RFC5: variants seen among roughly 807,000 people sequenced by gnomAD.
The protein encoded by RFC5 is replication factor C subunit 5, also known as A1 36 kDa subunit.
A neutral mutation model predicts 44.3 loss-of-function variants in RFC5; 26 were observed. That is an observed-to-expected ratio of 0.59 (90% CI 0.43 to 0.81). The LOEUF is 0.81. RFC5 is among the 40% of genes least tolerant of loss of function. RFC5 has a pLI of 0.00. For missense variants in RFC5, 328 were observed against 418.6 expected (o/e 0.78, Z 1.89); for synonymous variants, 155 against 155.2 (o/e 1.00, Z 0.01).
At chr12:118,038,075 G>T, downstream of RFC5, 2 of 429,364 alleles carry the variant, frequency 4.7e-6, no homozygotes, top group East Asian at 7.1e-5. Flanking sequence ...GCCCTCTGAT[G>T]ACAGGAGCAA....
At chr12:118,038,775 A>G in the RFC5 span, among the ~76,000 whole-genome samples, 2 of 151,948 alleles carry the variant, frequency 1.3e-5, no homozygotes, top group African/African-American at 4.8e-5. Context: ...CTGCCTCCCA[A>G]GTTGAAGCGA....
At chr12:118,036,145 T>G, downstream of RFC5, 2 of 577,704 alleles carry the variant, frequency 3.5e-6, no homozygotes, top group Non-Finnish European at 2.9e-6. Flanking sequence ...GAGGTTGCAG[T>G]GATCCAAGAT....
At chr12:118,022,467 T>G in intron 5 of RFC5, 108 bp downstream of exon 5, 1 of 738,692 alleles carries the variant, frequency 1.4e-6, no homozygotes, top group South Asian at 1.7e-5. Flanking sequence ...GGGGGGGAGT[T>G]TTTTTTTCTT....
chr12:118,017,329 GC>G (rs2030161032), intron 1 of RFC5, among the ~76,000 whole-genome samples: 1 of 152,202 alleles, frequency 6.6e-6, no homozygotes, highest in South Asian at 2.1e-4. Context: ...ATTAGCAGAC[GC>G]CCTGTTAGAT....
intron 5 of RFC5, among the ~76,000 whole-genome samples, chr12:118,022,777 G>A (rs1302031915): frequency 1.3e-5 from 2 of 152,036 alleles, no homozygotes; most frequent in Non-Finnish European, 2.9e-5. Flanking sequence ...CAAAGTGCTG[G>A]GATTACAGGA....
chr12:118,028,357 C>T (rs912065334), intron 9 of RFC5, among the ~76,000 whole-genome samples: 4 of 151,852 alleles, frequency 2.6e-5, no homozygotes, highest in South Asian at 4.2e-4. Context: ...TGGTGGCGCA[C>T]GCCTGTAATC....
rs1260302244 is a variant in RFC5 at position 118,019,630 on chromosome 12, AG to A, written c.131-1del. Reference sequence around the variant, plus strand: ...GTGCCCTTCTTCCTTCCTGATCCTCAGTTCAGAAGTTTATCAATGAAGACCG... The same window carrying A: ...GTGCCCTTCTTCCTTCCTGATCCTCATTCAGAAGTTTATCAATGAAGACCG... On this transcript the variant is annotated splice_acceptor_variant, in intron 2 of 10. Coordinates refer to ENST00000454402, the MANE Select transcript of RFC5 (RefSeq NM_007370.7). LOFTEE classifies it high-confidence loss of function. This position sits in a 1 kb window ranked among gnomAD's most constrained non-coding sequence, Gnocchi z 4.2. 4.3e-6 allele frequency: 7 copies of A among 1,613,784 alleles called. No homozygotes were observed. The African/African-American group carries it at 8.0e-5, about 18-fold the overall frequency.
intron 1 of RFC5, among the ~76,000 whole-genome samples, 156 bp from the exon 2 acceptor site, chr12:118,018,916 C>A (rs1346555452): frequency 6.6e-6 from 1 of 152,214 alleles, no homozygotes; most frequent in Non-Finnish European, 1.5e-5. Flanking sequence ...GCTGGTTGGT[C>A]TTGAACTCCT....
rs1162542832 is a variant in RFC5, at chr12:118,019,490, T to G, written c.131-142T>G. The G allele has an allele frequency of 1.2e-6, 1 of 852,768 alleles. No individual in the cohort carries two copies. The highest frequency in any genetic ancestry group is 2.4e-5 in the East Asian group (1 of 41,194). The allele number at this position is 852,768 out of a possible 1,614,324, so 52.8% of individuals were successfully genotyped here. A position where few individuals can be genotyped will look rare whatever the true frequency, so the allele number is the denominator to read the frequency against. ...TCCAGTTGTTCCACGAAAGTAGATATGAGGCCCCTACATCAAGTTGTATCT... is the reference window on the plus strand; with the variant it reads ...TCCAGTTGTTCCACGAAAGTAGATAGGAGGCCCCTACATCAAGTTGTATCT... On this transcript the variant is annotated intron_variant, in intron 2 of 10. Transcript: ENST00000454402. This position sits in a 1 kb window ranked among gnomAD's most constrained non-coding sequence, Gnocchi z 4.2.
chr12:118,038,986 G>A, the RFC5 span, among the ~76,000 whole-genome samples: 2 of 152,074 alleles, frequency 1.3e-5, no homozygotes, highest in African/African-American at 2.4e-5. Context: ...CATATCAAAG[G>A]GACCTTTGAT....
rs928011890 is a variant in RFC5, at chr12:118,032,056, G to A, written c.*778G>A. The A allele has an allele frequency of 4.6e-5, 7 of 152,174 alleles. No individual in the cohort carries two copies. Among genetic ancestry groups the A allele is most frequent in the Non-Finnish European group, 7.3e-5 (5 of 68,032 alleles). 9.4% of individuals were successfully genotyped at this position (152,174 alleles called of 1,614,324 possible). Reference sequence around the variant, plus strand: ...TTCACATTTATTTTACAGCAATCATGCTGCATTTGTGTTAGTGTTCTTTAT... The same window carrying A: ...TTCACATTTATTTTACAGCAATCATACTGCATTTGTGTTAGTGTTCTTTAT... On this transcript the variant is annotated 3_prime_UTR_variant, in exon 11 of 11. Coordinates refer to ENST00000454402, the MANE Select transcript of RFC5 (RefSeq NM_007370.7).
Position 118,019,814 on chromosome 12 carries a change from G to C in RFC5, c.267+46G>C, listed in dbSNP as rs765149889. On this transcript the variant is annotated intron_variant, in intron 3 of 10. Transcript: ENST00000454402. This position sits in a 1 kb window ranked among gnomAD's most constrained non-coding sequence, Gnocchi z 4.2. ...TCTACAAATAACTTAAGAGACTCCA[G>C]TCTCTTAATTTCAGTTCTGCTGGTT... The C allele has an allele frequency of 6.6e-7, 1 of 1,506,668 alleles. No homozygotes were observed. The highest frequency in any genetic ancestry group is 2.3e-5 in the East Asian group (1 of 44,048). 93.3% of individuals were successfully genotyped at this position (1,506,668 alleles called of 1,614,324 possible). A position where few individuals can be genotyped will look rare whatever the true frequency, so the allele number is the denominator to read the frequency against.
At chr12:118,030,578 A>G (rs1487435646) in intron 10 of RFC5, among the ~76,000 whole-genome samples, 2 of 152,192 alleles carry the variant, frequency 1.3e-5, no homozygotes, top group Non-Finnish European at 2.9e-5. Context: ...CATTACATAA[A>G]TTTTGTATAT....
intron 5 of RFC5, among the ~76,000 whole-genome samples, chr12:118,024,129 C>G (rs902741461): frequency 2.6e-5 from 4 of 152,020 alleles, no homozygotes; most frequent in Non-Finnish European, 5.9e-5. Context: ...ATCATGAGGT[C>G]AGGAGATCGA....
intron 4 of RFC5, 24 bp downstream of exon 4, chr12:118,021,009 G>T: frequency 1.4e-6 from 2 of 1,467,092 alleles, no homozygotes; most frequent in Non-Finnish European, 9.5e-7. Context: ...GTGTAATTTC[G>T]CTCCCTTGAT....
chr12:118,035,288 G>T (rs748989960), downstream of RFC5: 2 of 1,614,196 alleles, frequency 1.2e-6, no homozygotes, highest in South Asian at 2.2e-5. Context: ...TAATGTGGAC[G>T]TCACTGTCAT....
chr12:118,031,773 G>C lies in RFC5; in HGVS notation c.*495G>C, dbSNP rs1334774395. The C allele has an allele frequency of 6.6e-6, 1 of 152,178 alleles. No individual in the cohort carries two copies. The highest frequency in any genetic ancestry group is 1.5e-5 in the Non-Finnish European group (1 of 68,056). 9.4% of individuals were successfully genotyped at this position (152,178 alleles called of 1,614,324 possible). On this transcript the variant is annotated 3_prime_UTR_variant, in exon 11 of 11. Transcript: ENST00000454402. ...GGCCGAAACTATTATACTTTTATAA[G>C]ATGAGCTGAATCCTCTTACTTTAAA...
chr12:118,017,244 G>A (rs1480077540), intron 1 of RFC5, among the ~76,000 whole-genome samples: 1 of 152,170 alleles, frequency 6.6e-6, no homozygotes, highest in South Asian at 2.1e-4. Context: ...CAAAACCTGC[G>A]ATGCGACTAT....
intron 1 of RFC5, among the ~76,000 whole-genome samples, chr12:118,018,811 A>G (rs1366542506): frequency 1.3e-5 from 2 of 152,018 alleles, no homozygotes; most frequent in Admixed American, 6.6e-5. Flanking sequence ...ATTGAATGGC[A>G]TATTATCGGG....
Sources: gnomAD v4.1 joint callset for allele counts (sites outside exome capture counted in the v4.1 genomes callset) on GRCh38, gnomAD v4.1.1 for gene constraint, Gnocchi (gnomAD v3.1) non-coding constraint, MANE v1.5 for transcripts, NCBI Gene and HGNC (gene_info 2026-07-23, HGNC 2026-07-21) for gene names.